Variants in TMEM108 observed in about 807,000 individuals in gnomAD.
TMEM108 encodes the protein transmembrane protein 108.
Under a neutral mutation model 35.1 loss-of-function variants are expected in TMEM108, and 12 were observed. That is an observed-to-expected ratio of 0.34 (90% CI 0.22 to 0.55). The LOEUF (loss-of-function observed/expected upper bound fraction) is 0.55. Among genes scored for constraint, TMEM108 ranks in the 20% least tolerant of loss-of-function variants. The pLI is 0.89. For synonymous variants in TMEM108, 287 were observed against 308.6 expected, an observed-to-expected ratio of 0.93 and a Z score of 0.73; for missense variants, 680 against 753.3, an observed-to-expected ratio of 0.90 and a Z score of 1.14.
chr3:133,041,560 C>T (rs1943276873), intron 1 of TMEM108, among the ~76,000 whole-genome samples: 1 of 152,152 alleles, frequency 6.6e-6, no homozygotes, highest in Non-Finnish European at 1.5e-5. Context: ...AAAGCCATAA[C>T]TGTTTACATA....
intron 2 of TMEM108, among the ~76,000 whole-genome samples, chr3:133,130,065 A>G (rs1324856477): frequency 1.6e-5 from 1 of 63,598 alleles, no homozygotes; most frequent in Non-Finnish European, 3.5e-5. Flanking sequence ...TGAGTGGCAA[A>G]AGGTGTGTGA....
chr3:133,057,329 A>G (rs917683594), intron 2 of TMEM108, among the ~76,000 whole-genome samples: 5 of 98,642 alleles, frequency 5.1e-5, no homozygotes, highest in African/African-American at 1.6e-4. Context: ...CTAAAATAAG[A>G]CTTTAAATTT....
At chr3:133,219,870 C>G (rs570972917) in intron 2 of TMEM108, among the ~76,000 whole-genome samples, 23 of 152,202 alleles carry the variant, frequency 1.5e-4, no homozygotes, top group South Asian at 1.5e-3. Context: ...GTCAATGTTT[C>G]TTTCTTAATC....
At chr3:133,285,752 C>CTAGACCA (rs1946974906) in intron 3 of TMEM108, among the ~76,000 whole-genome samples, 1 of 152,196 alleles carries the variant, frequency 6.6e-6, no homozygotes, top group African/African-American at 2.4e-5. Context: ...CCTGCAAGAG[C>CTAGACCA]TAGACCACCA....
At chr3:133,286,179 T>C (rs1946982207) in intron 3 of TMEM108, among the ~76,000 whole-genome samples, 2 of 152,176 alleles carry the variant, frequency 1.3e-5, no homozygotes, top group African/African-American at 4.8e-5. Flanking sequence ...AAATTTTCAA[T>C]AAACTCCTTC....
chr3:133,148,992 G>A (rs547805248), intron 2 of TMEM108, among the ~76,000 whole-genome samples: 13 of 152,212 alleles, frequency 8.5e-5, no homozygotes, highest in African/African-American at 2.4e-4. Context: ...GGGAGACCCT[G>A]TCTCAAACAA....
intron 3 of TMEM108, among the ~76,000 whole-genome samples, chr3:133,372,481 G>A (rs762873384): frequency 6.6e-6 from 1 of 152,206 alleles, no homozygotes; most frequent in Non-Finnish European, 1.5e-5. Context: ...TTGTTCATAT[G>A]TTTTTTAGGA....
At chr3:133,086,612 C>T (rs1943885287) in intron 2 of TMEM108, among the ~76,000 whole-genome samples, 1 of 152,178 alleles carries the variant, frequency 6.6e-6, no homozygotes, top group African/African-American at 2.4e-5. Flanking sequence ...CAGGCCCTCT[C>T]TTTATTAGAT....
intron 3 of TMEM108, among the ~76,000 whole-genome samples, chr3:133,303,489 A>C (rs1947260051): frequency 6.6e-6 from 1 of 152,200 alleles, no homozygotes; most frequent in African/African-American, 2.4e-5. Context: ...GTGTGATTTA[A>C]TAAGCTGCGG....
chr3:133,157,207 G>C (rs886318651), intron 2 of TMEM108, among the ~76,000 whole-genome samples: 2 of 152,140 alleles, frequency 1.3e-5, no homozygotes, highest in African/African-American at 4.8e-5. Context: ...CAAAAAAGAT[G>C]TTGGCCTCAA....
At chr3:133,242,029 T>G (rs1275809249) in intron 3 of TMEM108, among the ~76,000 whole-genome samples, 1 of 152,140 alleles carries the variant, frequency 6.6e-6, no homozygotes, top group Non-Finnish European at 1.5e-5. Flanking sequence ...GAGGCCACAC[T>G]CTCTCTGAAG....
chr3:133,379,940 G>A lies in TMEM108; in HGVS notation c.229G>A (p.Ala77Thr). 6.2e-7 allele frequency: 1 copy of A among 1,613,308 alleles called. No individual in the cohort carries two copies. Among genetic ancestry groups the A allele is most frequent in the Non-Finnish European group, 8.5e-7 (1 of 1,179,722 alleles). The change falls in exon 4 of 6, where the codon GCT becomes ACT. Residue 77 changes from alanine (A) to threonine (T), a missense_variant. Physicochemically the swap from Ala to Thr is moderately conservative, Grantham distance 58. This residue lies in a region of TMEM108 where 526 missense variants were observed against 532.1 expected (regional missense o/e 0.99). Transcript: ENST00000321871. ...CAATCCCGATGGACCCCCCTCACAG[G>A]CTGCAGCTCCCATGGCAACACCGAC... ...TPNPDGPPSQ[A>T]AAPMATPTPR...
chr3:133,099,966 A>G (rs1305827561), intron 2 of TMEM108, among the ~76,000 whole-genome samples: 4 of 152,184 alleles, frequency 2.6e-5, no homozygotes, highest in Non-Finnish European at 5.9e-5. Flanking sequence ...CTTTTCAGCA[A>G]CACCTACTCC....
At chr3:133,310,216 G>A (rs2071106649) in intron 3 of TMEM108, among the ~76,000 whole-genome samples, 1 of 152,148 alleles carries the variant, frequency 6.6e-6, no homozygotes, top group African/African-American at 2.4e-5. Flanking sequence ...TGTCTATTAG[G>A]TCCACTTGGT....
chr3:133,258,600 C>T (rs1559884669), intron 3 of TMEM108, among the ~76,000 whole-genome samples: 1 of 152,246 alleles, frequency 6.6e-6, no homozygotes, highest in Non-Finnish European at 1.5e-5. Flanking sequence ...CAGAGAGGTG[C>T]ATTCCCTAGA....
chr3:133,180,879 C>T (rs1190713756), intron 2 of TMEM108, among the ~76,000 whole-genome samples: 1 of 151,876 alleles, frequency 6.6e-6, no homozygotes. Flanking sequence ...TTTGGCCTCC[C>T]AGTAAATTCC....
chr3:133,299,658 C>G (rs968123326), intron 3 of TMEM108, among the ~76,000 whole-genome samples: 3 of 152,130 alleles, frequency 2.0e-5, no homozygotes, highest in African/African-American at 7.2e-5. Context: ...ATATATGGCA[C>G]AGGCCCACTG....
rs3078833 is a variant in TMEM108 at position 133,272,272 on chromosome 3, C to CGTGTGTGTGTGTGTGT, written c.40+42946_40+42961dup. On this transcript the variant is annotated intron_variant, in intron 3 of 5. Transcript: ENST00000321871. ...GCCTTATAAGAACACCATACACGTA[C>CGTGTGTGTGTGTGTGT]GTGTGTGTGTGTGTGTGTGTGTGTG... is the stretch of plus-strand genomic sequence containing the variant. Among the ~76,000 whole-genome samples, 1,168 of 137,810 alleles carry CGTGTGTGTGTGTGTGT rather than the reference C, an allele frequency of 8.5e-3. 14 individuals are homozygous for CGTGTGTGTGTGTGTGT. Among genetic ancestry groups the CGTGTGTGTGTGTGTGT allele is most frequent in the African/African-American group, 0.011 (425 of 37,332 alleles). The allele number at this position is 137,810 out of a possible 152,430, so 90.4% of individuals were successfully genotyped here.
At chr3:133,284,453 T>A (rs1946957490) in intron 3 of TMEM108, among the ~76,000 whole-genome samples, 1 of 152,228 alleles carries the variant, frequency 6.6e-6, no homozygotes, top group Admixed American at 6.5e-5. Flanking sequence ...AACTAGTTTC[T>A]AAGCACCAAC....
Sources: allele counts gnomAD v4.1 joint callset (sites outside exome capture counted in the v4.1 genomes callset), GRCh38; gene constraint gnomAD v4.1.1; regional missense constraint gnomAD v4.1.1; transcripts MANE v1.5; gene names NCBI Gene and HGNC (gene_info 2026-07-23, HGNC 2026-07-21).